NCKAP1: variants seen among roughly 807,000 people sequenced by gnomAD.
NCKAP1 encodes nck-associated protein 1.
Under a neutral mutation model 151.2 loss-of-function variants are expected in NCKAP1, and 21 were observed. The observed-to-expected ratio is 0.14, with a 90% CI of 0.10 to 0.20. The LOEUF (loss-of-function observed/expected upper bound fraction) is 0.20. Among genes scored for constraint, NCKAP1 ranks in the 10% least tolerant of loss-of-function variants. NCKAP1 has a pLI of 1.00. For synonymous variants in NCKAP1, 484 were observed against 451.8 expected (o/e 1.07, Z -0.90); for missense variants, 933 against 1,352.1 (o/e 0.69, Z 4.86).
chr2:182,921,836 C>T lies in NCKAP1; in HGVS notation c.*3866G>A, dbSNP rs1575007136. The T allele has an allele frequency of 6.6e-6, 1 of 151,214 alleles. No homozygotes were observed. Among genetic ancestry groups the T allele is most frequent in the Non-Finnish European group, 1.5e-5 (1 of 67,734 alleles). 9.4% of individuals were successfully genotyped at this position (151,214 alleles called of 1,614,324 possible). A position where few individuals can be genotyped will look rare whatever the true frequency, so the allele number is the denominator to read the frequency against. On this transcript the variant is annotated 3_prime_UTR_variant, in exon 31 of 31. Transcript: ENST00000361354. ...TGAAATTTTAATACACTTAAAGTTA[C>T]TTCTCACTCTGAAAATAATACCAAA... is the stretch of plus-strand genomic sequence containing the variant.
chr2:183,024,021 G>A, intron 1 of NCKAP1, 105 bp from the exon 2 acceptor site: 1 of 892,962 alleles, frequency 1.1e-6, no homozygotes, highest in East Asian at 2.5e-5. Flanking sequence ...TGTTTTTGGT[G>A]AGCAGGTGAT....
chr2:182,967,574 A>G (rs544854331), intron 15 of NCKAP1, among the ~76,000 whole-genome samples: 4 of 152,148 alleles, frequency 2.6e-5, no homozygotes, highest in Non-Finnish European at 5.9e-5. Flanking sequence ...TGTCCATAAA[A>G]CAGTGTCTAA....
chr2:182,952,796 A>G lies in NCKAP1; in HGVS notation c.2500T>C (p.Ser834Pro). 1.2e-6 allele frequency: 2 copies of G among 1,602,872 alleles called. No individual in the cohort carries two copies. The highest frequency in any genetic ancestry group is 1.7e-6 in the Non-Finnish European group (2 of 1,175,412). Reference sequence around the variant, plus strand: ...ACTGTGGTATAGTACTATTCACCTGATATGTCAGAATATTCCTCTGCATTG... The same window carrying G: ...ACTGTGGTATAGTACTATTCACCTGGTATGTCAGAATATTCCTCTGCATTG... ...TFNAEEYSDI[S>P]EMRSLSELLG... The change falls in exon 22 of 31, where the codon TCA (serine) becomes CCA (proline). Residue 834 changes from serine to proline, a missense_variant. Coordinates refer to ENST00000361354, the MANE Select transcript of NCKAP1 (RefSeq NM_013436.5).
At chr2:183,019,748 T>G (rs1320484708) in intron 2 of NCKAP1, among the ~76,000 whole-genome samples, 1 of 152,252 alleles carries the variant, frequency 6.6e-6, no homozygotes, top group Non-Finnish European at 1.5e-5. Context: ...TTATTCATTT[T>G]GAATTTCATT....
At chr2:182,938,743 C>T (rs1020923736) in intron 24 of NCKAP1, among the ~76,000 whole-genome samples, 2 of 152,166 alleles carry the variant, frequency 1.3e-5, no homozygotes, top group African/African-American at 4.8e-5. Context: ...GTAGCAAAAA[C>T]TCAAGGGTAT....
At chr2:182,944,017 G>A (rs4271733) in intron 23 of NCKAP1, among the ~76,000 whole-genome samples, 143,819 of 152,272 alleles carry the variant, frequency 0.94, 68,034 homozygotes, top group East Asian at 0.99. Flanking sequence ...CCCAGCCCCA[G>A]AATTTCTGAT....
rs1697331420 is a variant in NCKAP1, at chr2:182,956,543, T to C, written c.2072A>G (p.Tyr691Cys). 1 of 1,610,626 alleles carries C rather than the reference T, an allele frequency of 6.2e-7. No individual in the cohort carries two copies. The highest frequency in any genetic ancestry group is 8.5e-7 in the Non-Finnish European group (1 of 1,178,292). The part of the protein sequence containing the change: ...ALSELCFSIN[Y>C]VPNMVVWEHT... ...TTCCCATACCACCATGTTTGGTACA[T>C]AATTTATAGAGAAGCATAACTCAGA... The change falls in exon 20 of 31, where the codon TAT becomes TGT. Residue 691 changes from tyrosine (Y) to cysteine (C), a missense_variant. Coordinates refer to ENST00000361354, the MANE Select transcript of NCKAP1 (RefSeq NM_013436.5).
intron 28 of NCKAP1, among the ~76,000 whole-genome samples, chr2:182,928,489 A>G (rs1179674809): frequency 6.6e-6 from 1 of 152,108 alleles, no homozygotes; most frequent in Non-Finnish European, 1.5e-5. Context: ...CATCAGTTTT[A>G]TAGTAGCTCG....
At chr2:182,955,351 G>C (rs530199293) in intron 20 of NCKAP1, among the ~76,000 whole-genome samples, 1 of 152,078 alleles carries the variant, frequency 6.6e-6, no homozygotes, top group African/African-American at 2.4e-5. Flanking sequence ...TTTATAAATT[G>C]CTTCAAGGCT....
rs991325534 is a variant in NCKAP1, at chr2:182,912,544, T to C, written c.*13158A>G. On this transcript the variant is annotated 3_prime_UTR_variant, in exon 31 of 31. Transcript: ENST00000361354. ...ATTTTTCTCAGCAAAAGGGAAAAAG[T>C]ACGAATTAGGAAAGGTACATTTAAC... The C allele has an allele frequency of 6.6e-6, 1 of 152,204 alleles. No homozygotes were observed. The highest frequency in any genetic ancestry group is 2.4e-5 in the African/African-American group (1 of 41,470). The allele number at this position is 152,204 out of a possible 1,614,324, so 9.4% of individuals were successfully genotyped here. A position where few individuals can be genotyped will look rare whatever the true frequency, so the allele number is the denominator to read the frequency against.
intron 18 of NCKAP1, among the ~76,000 whole-genome samples, chr2:182,961,096 A>G (rs1575032212): frequency 2.6e-5 from 4 of 152,124 alleles, no homozygotes; most frequent in Admixed American, 6.6e-5. Flanking sequence ...GTGCTGGAGA[A>G]GATGTGGAGA....
chr2:182,935,437 A>G, intron 24 of NCKAP1, 62 bp from the exon 25 acceptor site: 2 of 1,001,400 alleles, frequency 2.0e-6, no homozygotes, highest in Non-Finnish European at 2.8e-6. Flanking sequence ...TCTTTCTTAA[A>G]CTTGGAAAAA....
intron 2 of NCKAP1, among the ~76,000 whole-genome samples, chr2:183,011,641 C>A (rs1005318295): frequency 2.6e-5 from 4 of 152,214 alleles, no homozygotes; most frequent in South Asian, 2.1e-4. Context: ...GTACACACTA[C>A]ATTTTGTTTA....
intron 15 of NCKAP1, 77 bp downstream of exon 15, chr2:182,976,816 A>G: frequency 1.1e-6 from 1 of 872,576 alleles, no homozygotes; most frequent in Non-Finnish European, 1.7e-6. Context: ...ATAACAATGA[A>G]TATTTTATAG....
intron 3 of NCKAP1, 78 bp from the exon 4 acceptor site, chr2:183,003,108 G>T: frequency 2.9e-6 from 4 of 1,359,858 alleles, no homozygotes; most frequent in Non-Finnish European, 4.1e-6. Context: ...AATAAGGTAT[G>T]TGTTAAACTT....
rs1424239005 is a variant in NCKAP1, at chr2:182,909,619, TA to T, written c.*16082del. On this transcript the variant is annotated 3_prime_UTR_variant, in exon 31 of 31. Transcript: ENST00000361354. ...TCATTTGTTGATGGACGCTCGGATT[TA>T]CTGCCTTTTCTTGTATGTTGTTGTT... 6.6e-6 allele frequency: 1 copy of T among 152,232 alleles called. No homozygotes were observed. Among genetic ancestry groups the T allele is most frequent in the Non-Finnish European group, 1.5e-5 (1 of 68,046 alleles). The allele number at this position is 152,232 out of a possible 1,614,324, so 9.4% of individuals were successfully genotyped here.
intron 15 of NCKAP1, among the ~76,000 whole-genome samples, chr2:182,972,983 TG>T (rs969545573): frequency 2.0e-5 from 3 of 152,118 alleles, no homozygotes; most frequent in African/African-American, 7.2e-5. Context: ...TATAGCACAA[TG>T]GGGCAACTAT....
At chr2:182,956,729 G>C in intron 19 of NCKAP1, 136 bp from the exon 20 acceptor site, 2 of 862,462 alleles carry the variant, frequency 2.3e-6, no homozygotes, top group South Asian at 4.3e-5. Flanking sequence ...AACTGAGAAA[G>C]TTCAAAATCT....
At chr2:182,995,646 T>C in intron 7 of NCKAP1, 55 bp downstream of exon 7, 1 of 1,530,414 alleles carries the variant, frequency 6.5e-7, no homozygotes, top group Non-Finnish European at 9.0e-7. Flanking sequence ...TACTGAACTA[T>C]TATTTTTTTA....
Sources: gnomAD v4.1 joint callset for allele counts (sites outside exome capture counted in the v4.1 genomes callset) on GRCh38, gnomAD v4.1.1 for gene constraint, MANE v1.5 for transcripts, NCBI Gene and HGNC (gene_info 2026-07-23, HGNC 2026-07-21) for gene names.